Variants in PALM2AKAP2 observed in about 807,000 individuals in gnomAD.
PALM2AKAP2 encodes the protein PALM2 and AKAP2 fusion.
Under a neutral mutation model 71.5 loss-of-function variants are expected in PALM2AKAP2, and 37 were observed. The observed-to-expected ratio is 0.52, with a 90% CI of 0.40 to 0.68. PALM2AKAP2 has a LOEUF of 0.68. Ranked by LOEUF, PALM2AKAP2 falls within the 30% of genes least tolerant of loss-of-function variation. The probability of loss-of-function intolerance (pLI) is 0.00; values close to 1 mark genes in which losing one functional copy is unlikely to be tolerated. For missense variants in PALM2AKAP2, 1,224 were observed against 1,191.8 expected, an observed-to-expected ratio of 1.03 and a Z score of -0.40; for synonymous variants, 468 against 478.8, an observed-to-expected ratio of 0.98 and a Z score of 0.29.
At chr9:109,785,562 G>A (rs1427427899) in intron 1 of PALM2AKAP2, among the ~76,000 whole-genome samples, 1 of 152,178 alleles carries the variant, frequency 6.6e-6, no homozygotes, top group African/African-American at 2.4e-5. Context: ...TGGCTGGGGA[G>A]GCCTCACAAT....
chr9:109,794,070 G>A (rs1012096081), intron 1 of PALM2AKAP2, among the ~76,000 whole-genome samples: 2 of 152,182 alleles, frequency 1.3e-5, no homozygotes, highest in Non-Finnish European at 2.9e-5. Flanking sequence ...TTTATCTAAA[G>A]AAATCACTAT....
At chr9:110,091,755 C>G (rs1220884336) in intron 1 of PALM2AKAP2, among the ~76,000 whole-genome samples, 2 of 152,056 alleles carry the variant, frequency 1.3e-5, no homozygotes, top group Non-Finnish European at 2.9e-5. Context: ...AGCCACCGCG[C>G]CCAGCCAAGA....
intron 6 of PALM2AKAP2, among the ~76,000 whole-genome samples, chr9:109,992,894 A>C (rs1832510395): frequency 1.3e-5 from 2 of 151,410 alleles, no homozygotes; most frequent in South Asian, 4.2e-4. Flanking sequence ...GCTTCCAAAA[A>C]CCATTGAAAG....
At chr9:109,943,703 C>T (rs1256907723) in intron 6 of PALM2AKAP2, 3 of 372,182 alleles carry the variant, frequency 8.1e-6, no homozygotes, top group South Asian at 4.8e-5. Flanking sequence ...TTGGAATGGA[C>T]TCTTCGTATC....
At chr9:110,097,776 T>C (rs1265472584) in intron 1 of PALM2AKAP2, among the ~76,000 whole-genome samples, 1 of 143,022 alleles carries the variant, frequency 7.0e-6, no homozygotes, top group Non-Finnish European at 1.5e-5. Context: ...GGGCAGAGGC[T>C]GCAATCTCGG....
At chr9:109,962,711 C>T (rs981627829) in intron 6 of PALM2AKAP2, among the ~76,000 whole-genome samples, 18 of 151,136 alleles carry the variant, frequency 1.2e-4, no homozygotes, top group African/African-American at 4.4e-4. Context: ...GGCACGATCT[C>T]GGCTCACTGC....
At chr9:109,879,973 C>T (rs1485620291) in intron 2 of PALM2AKAP2, among the ~76,000 whole-genome samples, 2 of 152,298 alleles carry the variant, frequency 1.3e-5, no homozygotes, top group Admixed American at 1.3e-4. Context: ...GTTGGGATTA[C>T]AGACATCAGC....
At chr9:109,722,041 A>T (rs1157354907) in intron 1 of PALM2AKAP2, among the ~76,000 whole-genome samples, 5 of 152,198 alleles carry the variant, frequency 3.3e-5, no homozygotes, top group African/African-American at 9.7e-5. Context: ...TTATCTTACC[A>T]ATAGAGTCAT....
intron 1 of PALM2AKAP2, among the ~76,000 whole-genome samples, chr9:109,800,432 C>G (rs372930402): frequency 1.3e-5 from 2 of 152,150 alleles, no homozygotes; most frequent in African/African-American, 4.8e-5. Flanking sequence ...AGCCCAAGAC[C>G]GGGTAGCTGA....
intron 1 of PALM2AKAP2, among the ~76,000 whole-genome samples, chr9:109,754,492 C>T (rs1828929761): frequency 1.3e-5 from 2 of 152,162 alleles, no homozygotes; most frequent in Non-Finnish European, 2.9e-5. Context: ...TGTTCTATGG[C>T]AGATCTCTAG....
At chr9:109,650,641 G>T (rs1827212715) in intron 1 of PALM2AKAP2, among the ~76,000 whole-genome samples, 1 of 152,014 alleles carries the variant, frequency 6.6e-6, no homozygotes, top group South Asian at 2.1e-4. Context: ...GTCCAAGTTG[G>T]TCTCAAATTC....
At chr9:109,702,462 A>G (rs1426263303) in intron 1 of PALM2AKAP2, among the ~76,000 whole-genome samples, 1 of 152,188 alleles carries the variant, frequency 6.6e-6, no homozygotes, top group Admixed American at 6.5e-5. Flanking sequence ...TGAAGCTGGA[A>G]GCCATCATTC....
chr9:110,015,037 G>T (rs963123149), intron 6 of PALM2AKAP2, among the ~76,000 whole-genome samples: 1 of 151,710 alleles, frequency 6.6e-6, no homozygotes, highest in Non-Finnish European at 1.5e-5. Context: ...AAAATCTTGT[G>T]TCTTGCCGGA....
At chr9:109,981,062 G>T (rs1174517845) in intron 6 of PALM2AKAP2, among the ~76,000 whole-genome samples, 1 of 152,132 alleles carries the variant, frequency 6.6e-6, no homozygotes. Flanking sequence ...AAAGTACATA[G>T]AATAGTGCCT....
At chr9:110,014,129 T>G (rs1341274588) in intron 6 of PALM2AKAP2, among the ~76,000 whole-genome samples, 3 of 152,208 alleles carry the variant, frequency 2.0e-5, no homozygotes, top group African/African-American at 7.2e-5. Flanking sequence ...AATCCTGATT[T>G]AACATAATGC....
At chr9:110,053,017 A>C (rs78280312) in intron 1 of PALM2AKAP2, among the ~76,000 whole-genome samples, 96 of 152,348 alleles carry the variant, frequency 6.3e-4, no homozygotes, top group Non-Finnish European at 6.2e-4. Context: ...ATAAAACAGA[A>C]TATACTTTCT....
At chr9:109,888,583 G>A (rs926126535) in intron 3 of PALM2AKAP2, among the ~76,000 whole-genome samples, 3 of 151,882 alleles carry the variant, frequency 2.0e-5, no homozygotes, top group Admixed American at 1.3e-4. Context: ...GGTTGCAGGC[G>A]CTTGTAATCC....
chr9:110,161,396 C>A (rs989197366), intron 3 of PALM2AKAP2, among the ~76,000 whole-genome samples: 2 of 152,134 alleles, frequency 1.3e-5, no homozygotes, highest in Non-Finnish European at 2.9e-5. Context: ...CATAGTCAGG[C>A]CATTTTTTTC....
intron 6 of PALM2AKAP2, among the ~76,000 whole-genome samples, chr9:110,012,661 C>T (rs1377261642): frequency 6.6e-6 from 1 of 152,214 alleles, no homozygotes; most frequent in Non-Finnish European, 1.5e-5. Flanking sequence ...TGTTTTCTCT[C>T]ACTCTTGTTA....
Sources: gnomAD v4.1 joint callset for allele counts (sites outside exome capture counted in the v4.1 genomes callset) on GRCh38, gnomAD v4.1.1 for gene constraint, MANE v1.5 for transcripts, NCBI Gene and HGNC (gene_info 2026-07-23, HGNC 2026-07-21) for gene names.